IL1RAPL1: variants seen among roughly 807,000 people sequenced by gnomAD.
IL1RAPL1 encodes the protein interleukin 1 receptor accessory protein like 1.
A neutral mutation model predicts 48.4 loss-of-function variants in IL1RAPL1; 3 were observed. That is an observed-to-expected ratio of 0.06 (90% CI 0.03 to 0.16). The LOEUF is 0.16. Ranked by LOEUF, IL1RAPL1 falls within the 10% of genes least tolerant of loss-of-function variation. The pLI, the probability that IL1RAPL1 is intolerant of heterozygous loss-of-function variation, is 1.00. For synonymous variants in IL1RAPL1, 185 were observed against 187.7 expected (o/e 0.99, Z 0.12); for missense variants, 349 against 530.6 (o/e 0.66, Z 3.36).
chrX:29,945,350 C>T (rs1159647436), intron 9 of IL1RAPL1, among the ~76,000 whole-genome samples: 1 of 111,914 alleles, frequency 8.9e-6, no homozygotes, highest in Non-Finnish European at 1.9e-5. Flanking sequence ...TCAACAAAAC[C>T]CAAGGCTTTG....
chrX:29,517,478 C>T (rs973734707), intron 5 of IL1RAPL1, among the ~76,000 whole-genome samples: 7 of 111,144 alleles, frequency 6.3e-5, no homozygotes, highest in Non-Finnish European at 1.3e-4. Flanking sequence ...TTCACTGAAG[C>T]GGTGATGATT....
chrX:29,785,648 C>A (rs1222123225), intron 6 of IL1RAPL1, among the ~76,000 whole-genome samples: 3 of 111,822 alleles, frequency 2.7e-5, no homozygotes, highest in Non-Finnish European at 5.6e-5. Flanking sequence ...TATTCCCCAA[C>A]TCGAAATGAA....
At chrX:29,529,610 A>C (rs867668640) in intron 5 of IL1RAPL1, among the ~76,000 whole-genome samples, 5,351 of 99,935 alleles carry the variant, frequency 0.054, 214 homozygotes, top group African/African-American at 0.13. Context: ...AAAAAAAAAA[A>C]AAAAACCCAA....
intron 1 of IL1RAPL1, among the ~76,000 whole-genome samples, chrX:28,762,798 A>G (rs1315228202): frequency 2.9e-5 from 2 of 67,845 alleles, no homozygotes; most frequent in African/African-American, 1.0e-4. Context: ...ACACACACAC[A>G]CACACACACA....
chrX:29,806,733 A>G lies in IL1RAPL1; in HGVS notation c.779-110731A>G, dbSNP rs190059365. Among the ~76,000 whole-genome samples, 20 of 111,764 alleles carry G rather than the reference A, an allele frequency of 1.8e-4. No individual in the cohort carries two copies. The East Asian group carries it at 5.6e-3, about 31-fold the overall frequency. On this transcript the variant is annotated intron_variant, in intron 6 of 10. Transcript: ENST00000378993. ...ATAACCATCTAAAGAATATATATCTATTAGCCATTTACATATATAACCAAT... is the reference window on the plus strand; with the variant it reads ...ATAACCATCTAAAGAATATATATCTGTTAGCCATTTACATATATAACCAAT...
chrX:29,305,791 G>A (rs1262250617), intron 3 of IL1RAPL1, among the ~76,000 whole-genome samples: 1 of 111,908 alleles, frequency 8.9e-6, no homozygotes, highest in East Asian at 2.8e-4. Flanking sequence ...GGTTATATGA[G>A]TATGGAAATA....
intron 5 of IL1RAPL1, among the ~76,000 whole-genome samples, chrX:29,412,959 T>C (rs1934163392): frequency 8.9e-6 from 1 of 112,114 alleles, no homozygotes; most frequent in African/African-American, 3.2e-5. Flanking sequence ...AATCTTTACC[T>C]TGGTGATATG....
intron 6 of IL1RAPL1, among the ~76,000 whole-genome samples, chrX:29,913,052 G>A (rs1339129028): frequency 9.0e-6 from 1 of 110,980 alleles, no homozygotes; most frequent in Admixed American, 9.7e-5. Flanking sequence ...TGACACAGGT[G>A]TGATTAATTA....
At chrX:29,452,693 G>C (rs1225356212) in intron 5 of IL1RAPL1, among the ~76,000 whole-genome samples, 1 of 111,260 alleles carries the variant, frequency 9.0e-6, no homozygotes, top group African/African-American at 3.3e-5. Flanking sequence ...GCCTGGACAA[G>C]AGTACATGCT....
At chrX:29,447,616 G>T (rs962192115) in intron 5 of IL1RAPL1, among the ~76,000 whole-genome samples, 3 of 111,981 alleles carry the variant, frequency 2.7e-5, no homozygotes, top group Non-Finnish European at 5.7e-5. Context: ...CATAAGGCAG[G>T]TGTCTTGTCT....
At chrX:28,858,368 A>G (rs1921856146) in intron 2 of IL1RAPL1, among the ~76,000 whole-genome samples, 1 of 112,149 alleles carries the variant, frequency 8.9e-6, no homozygotes, top group Non-Finnish European at 1.9e-5. Context: ...AAATCTTATC[A>G]AACAGCATTG....
At chrX:28,884,086 TAGTG>T (rs1922571173) in intron 2 of IL1RAPL1, among the ~76,000 whole-genome samples, 5 of 111,717 alleles carry the variant, frequency 4.5e-5, no homozygotes, top group Middle Eastern at 4.7e-3. Flanking sequence ...GATGACGAGT[TAGTG>T]GGTGCAGCGC....
intron 2 of IL1RAPL1, among the ~76,000 whole-genome samples, chrX:29,100,147 G>A (rs1340939746): frequency 9.0e-6 from 1 of 111,493 alleles, no homozygotes; most frequent in Non-Finnish European, 1.9e-5. Context: ...GGGAGGTGGA[G>A]GTTGCAGTGA....
chrX:28,684,485 G>T (rs1487005840), intron 1 of IL1RAPL1, among the ~76,000 whole-genome samples: 1 of 112,140 alleles, frequency 8.9e-6, no homozygotes, highest in African/African-American at 3.2e-5. Context: ...CTCCTACAAA[G>T]AATGCACTGC....
intron 2 of IL1RAPL1, among the ~76,000 whole-genome samples, chrX:28,924,905 C>G (rs1472927772): frequency 8.9e-6 from 1 of 112,094 alleles, no homozygotes; most frequent in African/African-American, 3.2e-5. Context: ...GTCATTCTCT[C>G]ATTTCTTTCA....
chrX:29,092,799 C>G (rs1928120289), intron 2 of IL1RAPL1, among the ~76,000 whole-genome samples: 1 of 111,601 alleles, frequency 9.0e-6, no homozygotes, highest in Admixed American at 9.6e-5. Context: ...CTAATGATGA[C>G]TAGCAGTGAG....
rs751859046 is a variant in IL1RAPL1 at position 28,979,685 on chromosome X, G to A, written c.82+190260G>A. Among the ~76,000 whole-genome samples, 7 of 112,139 alleles carry A rather than the reference G, an allele frequency of 6.2e-5. No individual in the cohort carries two copies. In the South Asian group the frequency reaches 1.8e-3, roughly 30 times the overall value. ...GGAAAAATAATGATGTTTCTGAAAA[G>A]AGAGAGTCAGAAGAATTACCAGCAC... On this transcript the variant is annotated intron_variant, in intron 2 of 10. Coordinates refer to ENST00000378993, the MANE Select transcript of IL1RAPL1 (RefSeq NM_014271.4).
chrX:29,648,443 T>G (rs895168147), intron 5 of IL1RAPL1, among the ~76,000 whole-genome samples: 1 of 111,883 alleles, frequency 8.9e-6, no homozygotes, highest in Non-Finnish European at 1.9e-5. Flanking sequence ...AAGTATCTTT[T>G]CAGACCATGA....
chrX:29,915,309 C>T (rs1341648555), intron 6 of IL1RAPL1, among the ~76,000 whole-genome samples: 3 of 110,495 alleles, frequency 2.7e-5, no homozygotes, highest in African/African-American at 6.6e-5. Flanking sequence ...GGTTTAGGGG[C>T]GGGGGAGGAA....
Sources: allele counts gnomAD v4.1 joint callset (sites outside exome capture counted in the v4.1 genomes callset), GRCh38; gene constraint gnomAD v4.1.1; transcripts MANE v1.5; gene names NCBI Gene and HGNC (gene_info 2026-07-23, HGNC 2026-07-21).